Variants in GRIK1 observed in about 807,000 individuals in gnomAD.
GRIK1 encodes the protein glutamate ionotropic receptor kainate type subunit 1.
Under a neutral mutation model 105.7 loss-of-function variants are expected in GRIK1, and 69 were observed. The observed-to-expected ratio is 0.65, with a 90% CI of 0.54 to 0.80. The LOEUF (loss-of-function observed/expected upper bound fraction) is 0.80. Ranked by LOEUF, GRIK1 falls within the 30% of genes least tolerant of loss-of-function variation. The pLI is 0.00. For missense variants in GRIK1, 1,109 were observed against 1,167.3 expected (o/e 0.95, Z 0.73); for synonymous variants, 438 against 431.3 (o/e 1.02, Z -0.19).
chr21:29,788,328 G>A (rs1340916822), intron 1 of GRIK1, among the ~76,000 whole-genome samples: 6 of 152,166 alleles, frequency 3.9e-5, no homozygotes, highest in Admixed American at 3.3e-4. Context: ...GATACCCAAC[G>A]CCATGTGGTA....
chr21:29,552,980 A>G (rs2090160159), intron 16 of GRIK1, among the ~76,000 whole-genome samples: 1 of 152,060 alleles, frequency 6.6e-6, no homozygotes, highest in South Asian at 2.1e-4. Context: ...TAAATCTTTA[A>G]ATGCTAAGAC....
At chr21:29,784,356 G>T (rs1331418479) in intron 1 of GRIK1, among the ~76,000 whole-genome samples, 3 of 152,230 alleles carry the variant, frequency 2.0e-5, no homozygotes, top group African/African-American at 7.2e-5. Context: ...AATGCGTTTG[G>T]TTTTCTGACA....
Position 29,626,357 on chromosome 21 carries a change from C to A in GRIK1, c.1098+16469G>T, listed in dbSNP as rs371526411. On this transcript the variant is annotated intron_variant, in intron 7 of 17. Transcript: ENST00000327783. ...CTGCTGAAGGTCCCACCACTTAACG[C>A]TGTTGCATTGGGGATTAAGTTTCCA... Among the ~76,000 whole-genome samples the A allele has an allele frequency of 2.0e-5, 3 of 152,178 alleles. No individual in the cohort carries two copies. The East Asian group carries it at 5.8e-4, about 29-fold the overall frequency.
At chr21:29,721,570 G>T (rs1267394347) in intron 1 of GRIK1, among the ~76,000 whole-genome samples, 1 of 146,980 alleles carries the variant, frequency 6.8e-6, no homozygotes, top group Non-Finnish European at 1.5e-5. Context: ...AATAGAAAGA[G>T]AATGAATGAG....
chr21:29,887,877 GA>G (rs1440152811), intron 1 of GRIK1, among the ~76,000 whole-genome samples: 1 of 152,008 alleles, frequency 6.6e-6, no homozygotes, highest in East Asian at 1.9e-4. Flanking sequence ...GGGAGACTGG[GA>G]AAATGAGTAT....
intron 7 of GRIK1, among the ~76,000 whole-genome samples, chr21:29,600,617 G>A (rs905629413): frequency 2.6e-5 from 4 of 152,126 alleles, no homozygotes; most frequent in East Asian, 1.9e-4. Context: ...TTTGCGCCAC[G>A]TATATATGTT....
chr21:29,917,123 C>A (rs2071025686), intron 1 of GRIK1, among the ~76,000 whole-genome samples: 1 of 152,026 alleles, frequency 6.6e-6, no homozygotes, highest in Admixed American at 6.6e-5. Context: ...CTTGCTTGCG[C>A]TTGCACACCT....
chr21:29,809,746 G>C (rs2066960911), intron 1 of GRIK1, among the ~76,000 whole-genome samples: 1 of 152,110 alleles, frequency 6.6e-6, no homozygotes, highest in Non-Finnish European at 1.5e-5. Flanking sequence ...TCCTCACTAA[G>C]CTTAATAATT....
intron 1 of GRIK1, among the ~76,000 whole-genome samples, chr21:29,833,721 G>A (rs1305769435): frequency 6.6e-6 from 1 of 151,994 alleles, no homozygotes; most frequent in Non-Finnish European, 1.5e-5. Flanking sequence ...TGAGATTTGA[G>A]CAGGAACACA....
At chr21:29,565,967 T>C (rs949861927) in intron 14 of GRIK1, among the ~76,000 whole-genome samples, 7 of 152,190 alleles carry the variant, frequency 4.6e-5, no homozygotes, top group African/African-American at 1.7e-4. Flanking sequence ...CAGAGTTCTG[T>C]CCGCTGCATG....
chr21:29,826,246 T>A (rs1282196982), intron 1 of GRIK1, among the ~76,000 whole-genome samples: 5 of 152,112 alleles, frequency 3.3e-5, no homozygotes, highest in Non-Finnish European at 4.4e-5. Context: ...TTAATCTCCA[T>A]CTATTTGATA....
chr21:29,654,669 C>T (rs892542932), intron 5 of GRIK1, 141 bp downstream of exon 5: 1 of 607,610 alleles, frequency 1.6e-6, no homozygotes, highest in Non-Finnish European at 3.0e-6. Flanking sequence ...CTCAGCATTG[C>T]TGGATTTAGA....
At chr21:29,836,214 A>G (rs1344546002) in intron 1 of GRIK1, among the ~76,000 whole-genome samples, 1 of 152,248 alleles carries the variant, frequency 6.6e-6, no homozygotes, top group African/African-American at 2.4e-5. Flanking sequence ...ATTTAAGAGA[A>G]AATTGTATTA....
chr21:29,753,285 C>A (rs1352439758), intron 1 of GRIK1, among the ~76,000 whole-genome samples: 1 of 152,152 alleles, frequency 6.6e-6, no homozygotes, highest in Middle Eastern at 3.2e-3. Context: ...GAGAAACAAA[C>A]CCTTCATCTG....
intron 6 of GRIK1, among the ~76,000 whole-genome samples, chr21:29,650,671 T>C (rs898043181): frequency 6.6e-6 from 1 of 152,224 alleles, no homozygotes; most frequent in Non-Finnish European, 1.5e-5. Context: ...CAGGAAGAGC[T>C]GAATACACCG....
intron 1 of GRIK1, among the ~76,000 whole-genome samples, chr21:29,905,118 G>A (rs1031118263): frequency 6.6e-6 from 1 of 152,120 alleles, no homozygotes; most frequent in African/African-American, 2.4e-5. Context: ...TTTTAAACCT[G>A]GATCAAAGCC....
chr21:29,663,015 C>G (rs1451294359), intron 4 of GRIK1, among the ~76,000 whole-genome samples: 1 of 152,184 alleles, frequency 6.6e-6, no homozygotes, highest in Admixed American at 6.5e-5. Flanking sequence ...TTCACAGCGA[C>G]TGCTTGCTGA....
chr21:29,589,490 C>G (rs1754151200), intron 10 of GRIK1, among the ~76,000 whole-genome samples: 1 of 150,840 alleles, frequency 6.6e-6, no homozygotes, highest in African/African-American at 2.4e-5. Flanking sequence ...GGGGAGATCT[C>G]AGCTCACTGC....
At chr21:29,544,348 G>A (rs1436481843) in intron 16 of GRIK1, among the ~76,000 whole-genome samples, 1 of 152,166 alleles carries the variant, frequency 6.6e-6, no homozygotes, top group African/African-American at 2.4e-5. Flanking sequence ...GCCACGCAGG[G>A]CTACCCAGTG....
Sources: gnomAD v4.1 joint callset for allele counts (sites outside exome capture counted in the v4.1 genomes callset) on GRCh38, gnomAD v4.1.1 for gene constraint, MANE v1.5 for transcripts, NCBI Gene and HGNC (gene_info 2026-07-23, HGNC 2026-07-21) for gene names.